The following LCT variants were observed in gnomAD, a reference collection of about 807,000 sequenced individuals.
LCT encodes the protein lactase/phlorizin hydrolase.
In LCT, 90 loss-of-function variants were observed where a neutral mutation model predicts 173.0. That is an observed-to-expected ratio of 0.52 (90% confidence interval 0.44 to 0.62). LCT has a LOEUF of 0.62. Among genes scored for constraint, LCT ranks in the 20% least tolerant of loss-of-function variants. The pLI is 0.00. For synonymous variants in LCT, 853 were observed against 957.6 expected (o/e 0.89, Z 2.02); for missense variants, 1,864 against 2,431.4 (o/e 0.77, Z 4.91).
At position 135,809,394 on chromosome 2, in the gene LCT, G is replaced by A; in HGVS notation, c.2953C>T (p.Pro985Ser). 1 of 1,614,198 alleles carries A rather than the reference G, an allele frequency of 6.2e-7. No homozygotes were observed. The highest frequency in any genetic ancestry group is 1.1e-5 in the South Asian group (1 of 91,086). Residue 985 changes from proline to serine, a missense_variant, in exon 8 of 17, where the codon CCA becomes TCA. Pro to Ser is a moderately conservative substitution (Grantham distance 74, BLOSUM62 -1). Coordinates refer to ENST00000264162, the MANE Select transcript of LCT (RefSeq NM_002299.4). The surrounding 1 kb of genome is among the most constrained non-coding windows in gnomAD (Gnocchi z 5.5). The stretch of plus-strand genomic sequence containing the variant: ...TTGATAGAGCTGTTTCTCCCAGTTG[G>A]GAAAATCCGAGACCAGGAGATAGAG... Reference protein sequence around the residue: ...RFSISWSRIFPTGRNSSINSH... With the variant: ...RFSISWSRIFSTGRNSSINSH...
intron 5 of LCT, among the ~76,000 whole-genome samples, chr2:135,819,807 G>A (rs1194365903): frequency 2.0e-5 from 3 of 152,182 alleles, no homozygotes; most frequent in African/African-American, 7.2e-5. Context: ...CACAGCGTCC[G>A]CTGCTCCGAA....
intron 7 of LCT, chr2:135,810,201 G>A (rs2077723151): frequency 3.6e-6 from 2 of 558,368 alleles, no homozygotes; most frequent in East Asian, 2.9e-5. Context: ...TGAGAAGGGG[G>A]AGAAGGGTAT....
chr2:135,805,307 A>C (rs1209279170), intron 9 of LCT, among the ~76,000 whole-genome samples: 2 of 152,106 alleles, frequency 1.3e-5, no homozygotes, highest in Non-Finnish European at 2.9e-5. Context: ...AAAAAAAATC[A>C]AAAAAATTAG....
Position 135,812,912 on chromosome 2 carries a change from G to A in LCT, c.1752C>T (p.His584=), listed in dbSNP as rs959085297. 15 of 1,614,214 alleles carry A rather than the reference G, an allele frequency of 9.3e-6. No homozygotes were observed. Among genetic ancestry groups the A allele is most frequent in the Non-Finnish European group, 1.3e-5 (15 of 1,180,040 alleles). The change falls in exon 7 of 17, where the codon CAC becomes CAT. Residue 584 remains histidine, a synonymous_variant. Coordinates refer to ENST00000264162, the MANE Select transcript of LCT (RefSeq NM_002299.4). Reference sequence around the variant, plus strand: ...GCTGTGGGCGATGATGGCTGTTGTAGTGGTGCCAAGTTCTGGCATGAGCCT... The same window carrying A: ...GCTGTGGGCGATGATGGCTGTTGTAATGGTGCCAAGTTCTGGCATGAGCCT... ...VLKAHARTWH[H]YNSHHRPQQQ... is the part of the protein sequence containing the mutation.
At position 135,833,188 on chromosome 2, in the gene LCT, C is replaced by T. The variant is rs886054869; in HGVS notation, c.643G>A (p.Gly215Arg). 1.1e-5 allele frequency: 18 copies of T among 1,613,272 alleles called. No individual in the cohort carries two copies. Among genetic ancestry groups the T allele is most frequent in the Middle Eastern group, 1.6e-4 (1 of 6,082 alleles). Residue 215 changes from glycine (G) to arginine (R), a missense_variant and splice_region_variant, in exon 2 of 17, where the codon GGA (glycine) becomes AGA (arginine). Physicochemically the swap from Gly to Arg is moderately radical, Grantham distance 125 (BLOSUM62 -2). Around this residue, in one of 4 missense-constraint regions of LCT, gnomAD observed 412 missense variants for 462.0 expected, o/e 0.89. Transcript: ENST00000264162. ...GCTCGCAGGACAACAGAGAGTTTTC[C>T]GCCTGAAACCAACCAGAGACACGAA... ...IYHESYAFQGGKLSVVLRAED... is the reference protein window; with the variant it reads ...IYHESYAFQGRKLSVVLRAED...
At chr2:135,827,722 A>C (rs950045010) in intron 3 of LCT, among the ~76,000 whole-genome samples, 2 of 152,226 alleles carry the variant, frequency 1.3e-5, no homozygotes, top group African/African-American at 4.8e-5. Context: ...CTGATCTGAC[A>C]GGAGGTGGAA....
intron 14 of LCT, 135 bp downstream of exon 14, chr2:135,794,506 G>T (rs544630625): frequency 4.3e-6 from 4 of 919,586 alleles, no homozygotes; most frequent in African/African-American, 3.3e-5. Context: ...GTGGGGTGGC[G>T]AGCATCTTGC....
chr2:135,829,506 A>T, intron 3 of LCT, 87 bp downstream of exon 3: 1 of 988,502 alleles, frequency 1.0e-6, no homozygotes, highest in African/African-American at 1.6e-5. Flanking sequence ...AGTTCAGTTT[A>T]TGCAGTAGCC....
intron 16 of LCT, 47 bp downstream of exon 16, chr2:135,789,524 C>G (rs377608824): frequency 2.2e-5 from 30 of 1,386,596 alleles, no homozygotes; most frequent in South Asian, 1.0e-4. Flanking sequence ...GCCCTTCCAC[C>G]TGCCCTTCAC....
rs780051835 is a variant in LCT at position 135,797,992 on chromosome 2, G to A, written c.4976+37C>T. ...CGAGACATGCCTCTGTGACCCCGAC[G>A]CCCATGCCCTCACCACTGCGGGCAC... On this transcript the variant is annotated intron_variant, in intron 13 of 16. Transcript: ENST00000264162. 27 of 1,144,046 alleles carry A rather than the reference G, an allele frequency of 2.4e-5. No individual in the cohort carries two copies. The East Asian group carries it at 6.1e-4, about 26-fold the overall frequency. The allele number at this position is 1,144,046 out of a possible 1,614,324, so 70.9% of individuals were successfully genotyped here. A position where few individuals can be genotyped will look rare whatever the true frequency, so the allele number is the denominator to read the frequency against.
chr2:135,816,531 G>A (rs1279422738), intron 6 of LCT, among the ~76,000 whole-genome samples: 1 of 152,244 alleles, frequency 6.6e-6, no homozygotes, highest in Non-Finnish European at 1.5e-5. Flanking sequence ...GAGAGGAACT[G>A]GGTCCTGGTG....
At chr2:135,817,272 G>T in intron 6 of LCT, 69 bp downstream of exon 6, 3 of 1,538,160 alleles carry the variant, frequency 2.0e-6, no homozygotes, top group Non-Finnish European at 2.6e-6. Context: ...AGAAAACAGA[G>T]AAAATGACTT....
At position 135,790,819 on chromosome 2, in the gene LCT, G is replaced by A. The variant is rs1035870978; in HGVS notation, c.5174C>T (p.Thr1725Met). 17 of 1,614,114 alleles carry A rather than the reference G, an allele frequency of 1.1e-5. No individual in the cohort carries two copies. Among genetic ancestry groups the A allele is most frequent in the East Asian group, 2.2e-5 (1 of 44,874 alleles). ...CAGGATCCTCCTGAAGCCAAAAGGC[G>A]TCATCTTCAGCCAGAAGGAGCCAGA... is the stretch of plus-strand genomic sequence containing the variant. ...PDSGSFWLKM[T>M]PFGFRRILNW... The change falls in exon 15 of 17, where the codon ACG becomes ATG. Residue 1725 changes from threonine to methionine, a missense_variant. Coordinates refer to ENST00000264162, the MANE Select transcript of LCT (RefSeq NM_002299.4). This position sits in a 1 kb window ranked among gnomAD's most constrained non-coding sequence, Gnocchi z 4.1.
intron 4 of LCT, among the ~76,000 whole-genome samples, chr2:135,823,634 C>A (rs972518671): frequency 3.9e-5 from 6 of 152,198 alleles, no homozygotes; most frequent in Non-Finnish European, 8.8e-5. Context: ...TCCATGCTTA[C>A]AACTCACAGC....
Position 135,788,421 on chromosome 2 carries a change from C to T in LCT, c.5687G>A (p.Cys1896Tyr), listed in dbSNP as rs1270920492. ...VLFSLVLLGV[C>Y]GLAFLSYKYC... Reference sequence around the variant, plus strand: ...CTTGTATGACAGAAATGCCAAGCCACAGACTCCAAGAAGCACAAGAGAAAA... The same window carrying T: ...CTTGTATGACAGAAATGCCAAGCCATAGACTCCAAGAAGCACAAGAGAAAA... Residue 1896 changes from cysteine (C) to tyrosine (Y), a missense_variant, in exon 17 of 17, where the codon TGT becomes TAT. This residue lies in a region of LCT where 514 missense variants were observed against 750.1 expected (regional missense o/e 0.69). Coordinates refer to ENST00000264162, the MANE Select transcript of LCT (RefSeq NM_002299.4). 5.0e-6 allele frequency: 8 copies of T among 1,614,122 alleles called. No homozygotes were observed. Among genetic ancestry groups the T allele is most frequent in the Non-Finnish European group, 6.8e-6 (8 of 1,179,994 alleles).
chr2:135,814,766 C>T (rs529592975), intron 6 of LCT, among the ~76,000 whole-genome samples: 8 of 152,220 alleles, frequency 5.3e-5, no homozygotes, highest in South Asian at 2.1e-4. Flanking sequence ...CCGCCCGCCT[C>T]GGCCTCCCAA....
chr2:135,798,359 G>A (rs1489648018), intron 12 of LCT, among the ~76,000 whole-genome samples: 1 of 152,162 alleles, frequency 6.6e-6, no homozygotes, highest in Admixed American at 6.5e-5. Context: ...CTGAGGACAG[G>A]GCCACCTCTT....
intron 2 of LCT, among the ~76,000 whole-genome samples, chr2:135,831,004 T>G (rs1164734488): frequency 6.6e-6 from 1 of 152,230 alleles, no homozygotes; most frequent in East Asian, 1.9e-4. Flanking sequence ...TCTCATGCCT[T>G]GCTGGGGATT....
chr2:135,795,604 C>CTAATAA (rs768794511), intron 13 of LCT, among the ~76,000 whole-genome samples: 7,057 of 145,920 alleles, frequency 0.048, 242 homozygotes, highest in East Asian at 0.14. Flanking sequence ...TTCTCCAACT[C>CTAATAA]TAATAATAAT....
Sources: allele counts gnomAD v4.1 joint callset (sites outside exome capture counted in the v4.1 genomes callset), GRCh38; gene constraint gnomAD v4.1.1; regional missense constraint gnomAD v4.1.1; non-coding constraint Gnocchi (gnomAD v3.1); transcripts MANE v1.5; gene names NCBI Gene and HGNC (gene_info 2026-07-23, HGNC 2026-07-21).